The following MAF variants were observed in gnomAD, a reference collection of about 807,000 sequenced individuals.
MAF encodes the protein MAF bZIP transcription factor.
Under a neutral mutation model 22.0 loss-of-function variants are expected in MAF, and 10 were observed. That is an observed-to-expected ratio of 0.45 (90% CI 0.28 to 0.77). The LOEUF is 0.77. MAF is among the 30% of genes least tolerant of loss of function. The pLI is 0.12. For missense variants in MAF, 544 were observed against 548.4 expected, an observed-to-expected ratio of 0.99 and a Z score of 0.08; for synonymous variants, 337 against 255.8, an observed-to-expected ratio of 1.32 and a Z score of -3.03.
At chr16:79,406,110 G>A in the MAF span, among the ~76,000 whole-genome samples, 1 of 152,130 alleles carries the variant, frequency 6.6e-6, no homozygotes, top group Non-Finnish European at 1.5e-5. Context: ...GAGGTCCCCA[G>A]TGAGATTACT....
chr16:79,317,153 C>T, the MAF span, among the ~76,000 whole-genome samples: 1 of 138,946 alleles, frequency 7.2e-6, no homozygotes, highest in Admixed American at 7.2e-5. Flanking sequence ...CCCTCCCTCC[C>T]TTCCTCCCTT....
chr16:79,427,748 C>T, the MAF span, among the ~76,000 whole-genome samples: 1 of 152,126 alleles, frequency 6.6e-6, no homozygotes, highest in Admixed American at 6.5e-5. Flanking sequence ...AATTCCGCAT[C>T]CCAGCCTCCA....
At chr16:79,482,910 TTCCTTCC>T in the MAF span, among the ~76,000 whole-genome samples, 1 of 80,252 alleles carries the variant, frequency 1.2e-5, no homozygotes, top group African/African-American at 5.2e-5. Context: ...CCCTACCTCC[TTCCTTCC>T]CTCCCTCCCT....
the MAF span, among the ~76,000 whole-genome samples, chr16:79,489,792 G>A: frequency 1.3e-5 from 2 of 152,226 alleles, no homozygotes. Flanking sequence ...TCTGGTAGGA[G>A]ACAGAGGGCC....
At chr16:79,217,258 G>A in the MAF span, among the ~76,000 whole-genome samples, 1 of 152,342 alleles carries the variant, frequency 6.6e-6, no homozygotes, top group South Asian at 2.1e-4. Context: ...GTAGACAGCA[G>A]AGTCAGGATG....
chr16:79,254,256 T>C, the MAF span, among the ~76,000 whole-genome samples: 7 of 152,172 alleles, frequency 4.6e-5, no homozygotes, highest in Non-Finnish European at 7.4e-5. Flanking sequence ...TCTCCCTGCC[T>C]CTTTCTCTCT....
chr16:79,405,872 A>C, the MAF span, among the ~76,000 whole-genome samples: 1 of 152,092 alleles, frequency 6.6e-6, no homozygotes, highest in Non-Finnish European at 1.5e-5. Context: ...CAACCATCTC[A>C]TTTCCTCCCA....
chr16:79,592,746 T>C (rs111566314), downstream of MAF, among the ~76,000 whole-genome samples: 9 of 152,140 alleles, frequency 5.9e-5, no homozygotes, highest in African/African-American at 1.9e-4. Context: ...GAGATAAAAA[T>C]TGTAGCCTAT....
the MAF span, among the ~76,000 whole-genome samples, chr16:79,314,817 T>C: frequency 6.6e-6 from 1 of 152,128 alleles, no homozygotes; most frequent in African/African-American, 2.4e-5. Context: ...CTTCCTTCCC[T>C]TCCTAGAAGG....
the MAF span, among the ~76,000 whole-genome samples, chr16:79,430,303 T>G: frequency 6.6e-6 from 1 of 152,358 alleles, no homozygotes; most frequent in Middle Eastern, 3.4e-3. Context: ...CAGCTTGAAG[T>G]CCTCAGGGCA....
chr16:79,522,054 A>G, the MAF span, among the ~76,000 whole-genome samples: 2 of 152,328 alleles, frequency 1.3e-5, no homozygotes, highest in African/African-American at 4.8e-5. Context: ...GAGTGTAGCA[A>G]GCACACAGGC....
chr16:79,458,738 T>C, the MAF span, among the ~76,000 whole-genome samples: 55 of 152,194 alleles, frequency 3.6e-4, no homozygotes, highest in African/African-American at 1.3e-3. Flanking sequence ...GTGTGTTGGC[T>C]AAAAAATGTA....
chr16:79,371,314 G>A, the MAF span, among the ~76,000 whole-genome samples: 3 of 152,054 alleles, frequency 2.0e-5, no homozygotes, highest in Non-Finnish European at 4.4e-5. Flanking sequence ...TTAGAAATTG[G>A]CATAGCATCA....
At chr16:79,573,234 T>C in the MAF span, among the ~76,000 whole-genome samples, 1 of 152,248 alleles carries the variant, frequency 6.6e-6, no homozygotes, top group Non-Finnish European at 1.5e-5. Context: ...GTTGTGTTTT[T>C]GTTTTGTTGT....
chr16:79,488,031 C>A, the MAF span, among the ~76,000 whole-genome samples: 5 of 152,184 alleles, frequency 3.3e-5, no homozygotes, highest in Non-Finnish European at 5.9e-5. Flanking sequence ...AGTGGAAGAA[C>A]TATTTGCATC....
chr16:79,489,138 T>TCCAC, the MAF span, among the ~76,000 whole-genome samples: 2 of 152,054 alleles, frequency 1.3e-5, no homozygotes, highest in East Asian at 1.9e-4. Context: ...CATCCACTCA[T>TCCAC]CCATCCATCC....
At chr16:79,205,870 C>T in the MAF span, 2 of 152,102 alleles carry the variant, frequency 1.3e-5, no homozygotes, top group African/African-American at 4.8e-5. Context: ...AGAGCCCGCA[C>T]CTACATGCGT....
the MAF span, among the ~76,000 whole-genome samples, chr16:79,208,771 C>T: frequency 6.6e-6 from 1 of 152,132 alleles, no homozygotes; most frequent in African/African-American, 2.4e-5. Flanking sequence ...AAATGAGAAC[C>T]TGTTACTAAA....
the MAF span, among the ~76,000 whole-genome samples, chr16:79,261,057 G>C: frequency 6.6e-6 from 1 of 152,120 alleles, no homozygotes; most frequent in Non-Finnish European, 1.5e-5. Flanking sequence ...GGCTGCAGGC[G>C]AGAAGCAGTG....
Sources: allele counts gnomAD v4.1 joint callset (sites outside exome capture counted in the v4.1 genomes callset), GRCh38; gene constraint gnomAD v4.1.1; transcripts MANE v1.5; gene names NCBI Gene and HGNC (gene_info 2026-07-23, HGNC 2026-07-21).